The following DENND1A variants were observed in gnomAD, a reference collection of about 807,000 sequenced individuals.
The protein encoded by DENND1A is DENN domain-containing protein 1A.
In DENND1A, 51 loss-of-function variants were observed where a neutral mutation model predicts 113.7. The ratio of observed to expected loss-of-function variants is 0.45; its 90% CI spans 0.36 to 0.57. The LOEUF is 0.57. DENND1A is among the 20% of genes least tolerant of loss of function. The pLI is 0.00. For missense variants in DENND1A, 1,258 were observed against 1,395.9 expected (o/e 0.90, Z 1.57); for synonymous variants, 565 against 570.8 (o/e 0.99, Z 0.14).
At chr9:123,572,385 T>C (rs1017347882) in intron 12 of DENND1A, among the ~76,000 whole-genome samples, 2 of 152,214 alleles carry the variant, frequency 1.3e-5, no homozygotes, top group Non-Finnish European at 2.9e-5. Context: ...TTTGGGTTGC[T>C]AAAAACATAC....
intron 13 of DENND1A, among the ~76,000 whole-genome samples, chr9:123,486,992 T>C (rs760878709): frequency 4.6e-5 from 7 of 152,206 alleles, no homozygotes; most frequent in Non-Finnish European, 1.0e-4. Flanking sequence ...GACACTAACT[T>C]GAGCAGTCTC....
At chr9:123,555,155 C>T (rs912291318) in intron 13 of DENND1A, among the ~76,000 whole-genome samples, 1 of 152,176 alleles carries the variant, frequency 6.6e-6, no homozygotes, top group African/African-American at 2.4e-5. Context: ...CGGAGTCTTG[C>T]TACTTCCTCC....
chr9:123,536,890 A>G (rs993003811), intron 13 of DENND1A, among the ~76,000 whole-genome samples: 1 of 152,252 alleles, frequency 6.6e-6, no homozygotes. Context: ...CAGTGAAGTT[A>G]GAAAAGCTTT....
chr9:123,461,388 T>C (rs17284397), intron 13 of DENND1A, among the ~76,000 whole-genome samples: 6,487 of 152,220 alleles, frequency 0.043, 206 homozygotes, highest in Middle Eastern at 0.099. Context: ...ACGAAATGAG[T>C]TGAACCCTGC....
intron 12 of DENND1A, among the ~76,000 whole-genome samples, chr9:123,569,094 C>T (rs2058216914): frequency 6.6e-6 from 1 of 152,136 alleles, no homozygotes; most frequent in South Asian, 2.1e-4. Flanking sequence ...AGCCAAGATT[C>T]CAAGCATTAA....
chr9:123,667,159 G>A, intron 7 of DENND1A, 80 bp from the exon 8 acceptor site: 1 of 1,356,420 alleles, frequency 7.4e-7, no homozygotes, highest in South Asian at 1.3e-5. Context: ...GTAAATGATT[G>A]GAAAATATTT....
At chr9:123,722,479 A>T (rs2067410239) in intron 5 of DENND1A, among the ~76,000 whole-genome samples, 1 of 152,202 alleles carries the variant, frequency 6.6e-6, no homozygotes, top group African/African-American at 2.4e-5. Context: ...AAGGCATGTC[A>T]GAGACCTTTG....
intron 5 of DENND1A, among the ~76,000 whole-genome samples, chr9:123,740,340 T>G (rs10818864): frequency 0.45 from 67,718 of 152,066 alleles, 19,568 homozygotes; most frequent in African/African-American, 0.83. Context: ...ATTTTCTAAC[T>G]ATCTAATCTA....
chr9:123,559,258 T>A (rs2057601999), intron 12 of DENND1A, among the ~76,000 whole-genome samples: 1 of 152,182 alleles, frequency 6.6e-6, no homozygotes, highest in Non-Finnish European at 1.5e-5. Flanking sequence ...CCTGAAGGGA[T>A]TTTTTTCCTT....
intron 5 of DENND1A, among the ~76,000 whole-genome samples, chr9:123,700,195 T>C (rs1288741505): frequency 6.6e-6 from 1 of 152,222 alleles, no homozygotes; most frequent in Non-Finnish European, 1.5e-5. Context: ...CCAACTTTAT[T>C]CTTCTTTTAA....
chr9:123,841,146 A>C (rs1841771369), intron 2 of DENND1A, among the ~76,000 whole-genome samples: 1 of 152,190 alleles, frequency 6.6e-6, no homozygotes, highest in Admixed American at 6.5e-5. Flanking sequence ...GTCATTTAGA[A>C]AGTAGTATAG....
At chr9:123,556,079 C>T (rs1050178306) in intron 13 of DENND1A, among the ~76,000 whole-genome samples, 1 of 152,182 alleles carries the variant, frequency 6.6e-6, no homozygotes, top group Non-Finnish European at 1.5e-5. Context: ...GTAATCAGAG[C>T]CATGTCACTT....
At chr9:123,885,284 T>C (rs75085308) in intron 1 of DENND1A, among the ~76,000 whole-genome samples, 6,046 of 152,234 alleles carry the variant, frequency 0.04, 130 homozygotes, top group Middle Eastern at 0.048. Context: ...CAAAGTACAG[T>C]CAAGGTTGAG....
chr9:123,916,781 T>C (rs1855225296), intron 1 of DENND1A, among the ~76,000 whole-genome samples: 1 of 152,180 alleles, frequency 6.6e-6, no homozygotes, highest in African/African-American at 2.4e-5. Flanking sequence ...GACTTATGAA[T>C]ATGCCTGTTT....
chr9:123,753,928 T>C (rs1027239806), intron 5 of DENND1A, among the ~76,000 whole-genome samples: 56 of 152,164 alleles, frequency 3.7e-4, no homozygotes, highest in Non-Finnish European at 1.2e-4. Flanking sequence ...GCAGAGACTG[T>C]TGAGTGGTTC....
intron 1 of DENND1A, among the ~76,000 whole-genome samples, chr9:123,910,711 AG>A (rs1418337013): frequency 6.6e-6 from 1 of 152,150 alleles, no homozygotes; most frequent in African/African-American, 2.4e-5. Flanking sequence ...AGGCTGAGGC[AG>A]GCAGATCATT....
intron 11 of DENND1A, among the ~76,000 whole-genome samples, chr9:123,606,033 G>A (rs979866248): frequency 9.9e-5 from 15 of 152,194 alleles, no homozygotes; most frequent in Non-Finnish European, 5.9e-5. Context: ...AGCACCTTCC[G>A]TAAACGGCTT....
intron 5 of DENND1A, among the ~76,000 whole-genome samples, chr9:123,716,698 G>A (rs2066998251): frequency 6.6e-6 from 1 of 152,216 alleles, no homozygotes; most frequent in African/African-American, 2.4e-5. Context: ...TGGAGGTACT[G>A]CTCTGAAGAA....
intron 9 of DENND1A, among the ~76,000 whole-genome samples, chr9:123,637,923 ACACACACACG>A (rs2061793197): frequency 9.0e-6 from 1 of 111,038 alleles, no homozygotes; most frequent in Non-Finnish European, 1.8e-5. Flanking sequence ...ACACACACAC[ACACACACACG>A]CACACACACA....
Sources: gnomAD v4.1 joint callset for allele counts (sites outside exome capture counted in the v4.1 genomes callset) on GRCh38, gnomAD v4.1.1 for gene constraint, MANE v1.5 for transcripts, NCBI Gene and HGNC (gene_info 2026-07-23, HGNC 2026-07-21) for gene names.